MARCHF10: variants seen among roughly 807,000 people sequenced by gnomAD.
MARCHF10 encodes probable E3 ubiquitin-protein ligase MARCHF10.
A neutral mutation model predicts 76.2 loss-of-function variants in MARCHF10; 64 were observed. The observed-to-expected ratio is 0.84, with a 90% confidence interval of 0.69 to 1.03. MARCHF10 has a LOEUF of 1.03. MARCHF10 is among the 50% of genes least tolerant of loss of function. MARCHF10 has a pLI of 0.00. For synonymous variants in MARCHF10, 340 were observed against 357.5 expected, an observed-to-expected ratio of 0.95 and a Z score of 0.55; for missense variants, 875 against 958.0, an observed-to-expected ratio of 0.91 and a Z score of 1.14.
chr17:62,757,495 C>T (rs192062198), intron 4 of MARCHF10, among the ~76,000 whole-genome samples: 16 of 152,314 alleles, frequency 1.1e-4, no homozygotes, highest in African/African-American at 3.1e-4. Context: ...AAAATCCTTG[C>T]CATGTCTCAG....
chr17:62,804,289 T>C (rs1046153630), intron 1 of MARCHF10, among the ~76,000 whole-genome samples: 2 of 152,098 alleles, frequency 1.3e-5, no homozygotes, highest in African/African-American at 4.8e-5. Flanking sequence ...CGCAGGGCTC[T>C]GGAGCTGACC....
rs201239789 is a variant in MARCHF10 at position 62,801,596 on chromosome 17, CTAAA to C, written c.90+46_90+49del. ...GTTGATGCTGTATTCTGAATTCTCT[CTAAA>C]TACTGCAAGAGAAGGCAGAAGACCA... On this transcript the variant is annotated intron_variant, in intron 2 of 10. Transcript: ENST00000311269. 6.8e-4 allele frequency: 1,011 copies of C among 1,495,462 alleles called. 13 individuals are homozygous for C. In the East Asian group the frequency reaches 0.019, roughly 29 times the overall value. The allele number at this position is 1,495,462 out of a possible 1,614,324, so 92.6% of individuals were successfully genotyped here.
chr17:62,711,472 C>A lies in MARCHF10; in HGVS notation c.2215-128G>T. ...AAGAGCCCAAGCTCCAAGGCAAGGCCTGCTCTTGGGGACCAGAAGACAGAG... is the reference window on the plus strand; with the variant it reads ...AAGAGCCCAAGCTCCAAGGCAAGGCATGCTCTTGGGGACCAGAAGACAGAG... On this transcript the variant is annotated intron_variant, in intron 8 of 10. Coordinates refer to ENST00000311269, the MANE Select transcript of MARCHF10 (RefSeq NM_152598.4). This position sits in a 1 kb window ranked among gnomAD's most constrained non-coding sequence, Gnocchi z 4.4. The A allele has an allele frequency of 3.7e-6, 3 of 821,492 alleles. No homozygotes were observed. Among genetic ancestry groups the A allele is most frequent in the Middle Eastern group, 2.3e-4 (1 of 4,344 alleles). 50.9% of individuals were successfully genotyped at this position (821,492 alleles called of 1,614,324 possible).
intron 9 of MARCHF10, chr17:62,706,320 T>C (rs76338005): frequency 0.024 from 3,630 of 152,320 alleles, 83 homozygotes; most frequent in African/African-American, 0.053. Flanking sequence ...CAGGTCCTGG[T>C]TGCCTGGTAA....
intron 5 of MARCHF10, among the ~76,000 whole-genome samples, chr17:62,741,333 A>G (rs116649699): frequency 3.0e-3 from 454 of 152,318 alleles, no homozygotes; most frequent in African/African-American, 0.011. Flanking sequence ...GACTAGATCT[A>G]TGGGAGTGAA....
rs1471152233 is a variant in MARCHF10, at chr17:62,711,961, G to C, written c.2215-617C>G. On this transcript the variant is annotated intron_variant, in intron 8 of 10. Coordinates refer to ENST00000311269, the MANE Select transcript of MARCHF10 (RefSeq NM_152598.4). This position sits in a 1 kb window ranked among gnomAD's most constrained non-coding sequence, Gnocchi z 4.4. ...CGCTTTCTCTTGAGGAGTGGGCTGTGCTTTTTTTCTCGCTGGTGCTCAGAA... is the reference window on the plus strand; with the variant it reads ...CGCTTTCTCTTGAGGAGTGGGCTGTCCTTTTTTTCTCGCTGGTGCTCAGAA... 6.6e-6 allele frequency among the ~76,000 whole-genome samples: 1 copy of C among 152,174 alleles called. No individual in the cohort carries two copies.
At chr17:62,788,660 T>A in intron 2 of MARCHF10, 61 bp from the exon 3 acceptor site, 1 of 1,606,128 alleles carries the variant, frequency 6.2e-7, no homozygotes, top group Middle Eastern at 1.7e-4. Flanking sequence ...GGTAACTTTA[T>A]GCTTAACTCC....
intron 4 of MARCHF10, among the ~76,000 whole-genome samples, chr17:62,758,901 G>A (rs935311573): frequency 6.6e-6 from 1 of 152,176 alleles, no homozygotes; most frequent in African/African-American, 2.4e-5. Flanking sequence ...GAGGAATCAA[G>A]TTTGTCTTAT....
intron 4 of MARCHF10, among the ~76,000 whole-genome samples, 181 bp from the exon 5 acceptor site, chr17:62,744,709 T>C (rs2091640192): frequency 6.6e-6 from 1 of 152,138 alleles, no homozygotes; most frequent in South Asian, 2.1e-4. Context: ...TGTAACCATG[T>C]GAGCTTGGGA....
At chr17:62,707,761 T>G (rs1441272556) in intron 9 of MARCHF10, among the ~76,000 whole-genome samples, 1 of 152,226 alleles carries the variant, frequency 6.6e-6, no homozygotes, top group Non-Finnish European at 1.5e-5. Flanking sequence ...TCTCCTTAGA[T>G]TCTGAGTCTC....
At chr17:62,777,278 T>C (rs1457952930) in intron 3 of MARCHF10, among the ~76,000 whole-genome samples, 1 of 152,234 alleles carries the variant, frequency 6.6e-6, no homozygotes, top group Non-Finnish European at 1.5e-5. Flanking sequence ...TGCAAGCAGC[T>C]TTCCATAAGA....
chr17:62,707,633 G>A (rs542486980), intron 9 of MARCHF10: 5 of 152,478 alleles, frequency 3.3e-5, no homozygotes, highest in African/African-American at 1.2e-4. Context: ...GGGGCTGAAG[G>A]AGGGGCGAGA....
intron 3 of MARCHF10, among the ~76,000 whole-genome samples, chr17:62,773,866 C>A (rs950815616): frequency 2.0e-5 from 3 of 152,220 alleles, no homozygotes; most frequent in Non-Finnish European, 4.4e-5. Flanking sequence ...TCAGCGGCAT[C>A]ACTTTTGAAA....
chr17:62,747,296 AG>A (rs1161673398), intron 4 of MARCHF10, among the ~76,000 whole-genome samples: 2 of 152,222 alleles, frequency 1.3e-5, no homozygotes, highest in African/African-American at 4.8e-5. Context: ...TTAAGATAAA[AG>A]GTTATTTAAT....
chr17:62,801,647 T>C lies in MARCHF10; in HGVS notation c.89A>G (p.Gln30Arg). The C allele has an allele frequency of 6.2e-7, 1 of 1,613,374 alleles. No homozygotes were observed. Among genetic ancestry groups the C allele is most frequent in the East Asian group, 2.2e-5 (1 of 44,878 alleles). Residue 30 changes from glutamine (Q) to arginine (R), a missense_variant and splice_region_variant, in exon 2 of 11, where the codon CAG (glutamine) becomes CGG (arginine). Physicochemically the swap from Gln to Arg is conservative, Grantham distance 43. Coordinates refer to ENST00000311269, the MANE Select transcript of MARCHF10 (RefSeq NM_152598.4). ...DMQHKVDSEY[Q>R]ACLRRQEYRR... ...ACCATTCTTGCTTTCTGCAATTACCTGATACTCAGAGTCCACCTTATGCTG... is the reference window on the plus strand; with the variant it reads ...ACCATTCTTGCTTTCTGCAATTACCCGATACTCAGAGTCCACCTTATGCTG...
chr17:62,722,461 T>C (rs758682330), intron 8 of MARCHF10, 27 bp downstream of exon 8: 3 of 1,530,374 alleles, frequency 2.0e-6, no homozygotes, highest in Admixed American at 3.4e-5. Flanking sequence ...CTTTAACCTG[T>C]GGAGGCAGAG....
intron 2 of MARCHF10, among the ~76,000 whole-genome samples, chr17:62,793,368 A>T (rs1243296350): frequency 2.8e-5 from 3 of 108,402 alleles, no homozygotes; most frequent in African/African-American, 1.1e-4. Flanking sequence ...CACCTCCATC[A>T]ACCACCACCA....
At chr17:62,729,796 A>C (rs943320059) in intron 6 of MARCHF10, among the ~76,000 whole-genome samples, 8 of 151,760 alleles carry the variant, frequency 5.3e-5, no homozygotes, top group Admixed American at 3.3e-4. Flanking sequence ...CTGGTCTTGA[A>C]CTCCTGGCCC....
chr17:62,761,898 A>G (rs892530626), intron 3 of MARCHF10, among the ~76,000 whole-genome samples: 1 of 152,182 alleles, frequency 6.6e-6, no homozygotes, highest in African/African-American at 2.4e-5. Context: ...TTTCTTCCAT[A>G]AACTGCCCAA....
Sources: allele counts gnomAD v4.1 joint callset (sites outside exome capture counted in the v4.1 genomes callset), GRCh38; gene constraint gnomAD v4.1.1; non-coding constraint Gnocchi (gnomAD v3.1); transcripts MANE v1.5; gene names NCBI Gene and HGNC (gene_info 2026-07-23, HGNC 2026-07-21).